Variants in DDHD1 observed in about 807,000 individuals in gnomAD.
The protein encoded by DDHD1 is phospholipase DDHD1.
DDHD1 carries 49 observed loss-of-function variants against 96.4 expected under a neutral mutation model. That is an observed-to-expected ratio of 0.51 (90% CI 0.40 to 0.64). The LOEUF (loss-of-function observed/expected upper bound fraction) is 0.64. DDHD1 is among the 30% of genes least tolerant of loss of function. The pLI is 0.00. For missense variants in DDHD1, 1,106 were observed against 1,161.2 expected (o/e 0.95, Z 0.69); for synonymous variants, 442 against 446.5 (o/e 0.99, Z 0.13).
intron 2 of DDHD1, among the ~76,000 whole-genome samples, chr14:53,101,162 G>C (rs1268261209): frequency 6.6e-6 from 1 of 152,118 alleles, no homozygotes; most frequent in East Asian, 1.9e-4. Flanking sequence ...CAGAAGCTTA[G>C]AGCTAACAGT....
intron 4 of DDHD1, among the ~76,000 whole-genome samples, chr14:53,086,446 CG>C (rs748677840): frequency 1.3e-4 from 20 of 152,148 alleles, no homozygotes; most frequent in East Asian, 5.8e-4. Context: ...AGACTAATGG[CG>C]GATCTCTCGG....
intron 4 of DDHD1, 68 bp downstream of exon 4, chr14:53,091,717 T>A: frequency 6.7e-7 from 1 of 1,488,244 alleles, no homozygotes; most frequent in Non-Finnish European, 9.2e-7. Context: ...ACTGTTAATA[T>A]CTCTTATACC....
At chr14:53,137,043 T>C (rs1338194905) in intron 1 of DDHD1, among the ~76,000 whole-genome samples, 1 of 151,354 alleles carries the variant, frequency 6.6e-6, no homozygotes, top group Non-Finnish European at 1.5e-5. Flanking sequence ...TTCAAGAAGG[T>C]GGAGGAAAAT....
intron 1 of DDHD1, among the ~76,000 whole-genome samples, chr14:53,127,738 A>G (rs747105156): frequency 3.3e-5 from 5 of 152,234 alleles, no homozygotes; most frequent in Non-Finnish European, 5.9e-5. Context: ...ACAGACACAC[A>G]ATGACTGGCA....
intron 1 of DDHD1, among the ~76,000 whole-genome samples, chr14:53,145,189 C>T (rs956589156): frequency 6.6e-6 from 1 of 151,776 alleles, no homozygotes; most frequent in South Asian, 2.1e-4. Flanking sequence ...TTCCATGGCA[C>T]GTGTTTTAAA....
chr14:53,125,289 A>T (rs922942998), intron 1 of DDHD1, among the ~76,000 whole-genome samples: 1 of 152,178 alleles, frequency 6.6e-6, no homozygotes, highest in Non-Finnish European at 1.5e-5. Context: ...CAACTCTTCC[A>T]AGTTTAATAT....
chr14:53,134,656 T>C (rs1416022862), intron 1 of DDHD1, among the ~76,000 whole-genome samples: 2 of 150,634 alleles, frequency 1.3e-5, no homozygotes, highest in Non-Finnish European at 2.9e-5. Context: ...TGTTTTTACC[T>C]AAATCAATCT....
intron 1 of DDHD1, among the ~76,000 whole-genome samples, chr14:53,120,534 C>T (rs1888905975): frequency 1.3e-5 from 2 of 152,126 alleles, no homozygotes; most frequent in Admixed American, 1.3e-4. Flanking sequence ...ACCACACTAC[C>T]TGACTTCAAA....
At position 53,152,535 on chromosome 14, in the gene DDHD1, G is replaced by A. The variant is rs943322491; in HGVS notation, c.564C>T (p.Leu188=). The part of the protein sequence containing the change: ...TWKPFIGYDS[L]RIELAFRTLL... Reference sequence around the variant, plus strand: ...GGGTCCGGAAGGCGAGCTCGATGCGGAGCGAGTCGTAGCCGATGAAGGGCT... The same window carrying A: ...GGGTCCGGAAGGCGAGCTCGATGCGAAGCGAGTCGTAGCCGATGAAGGGCT... Residue 188 remains leucine (L), a synonymous_variant, in exon 1 of 13, where the codon CTC becomes CTT. Coordinates refer to ENST00000673822, the MANE Select transcript of DDHD1 (RefSeq NM_001160148.2). The A allele has an allele frequency of 5.0e-6, 8 of 1,613,550 alleles. No homozygotes were observed. The highest frequency in any genetic ancestry group is 1.7e-5 in the Admixed American group (1 of 60,034).
At chr14:53,143,930 T>C (rs936910822) in intron 1 of DDHD1, among the ~76,000 whole-genome samples, 9 of 152,350 alleles carry the variant, frequency 5.9e-5, no homozygotes, top group Non-Finnish European at 1.3e-4. Context: ...CTTTACTTTT[T>C]ACAGGGCTCA....
chr14:53,046,540 G>A lies in DDHD1; in HGVS notation c.*228C>T, dbSNP rs1358985308. The A allele has an allele frequency of 1.3e-5, 4 of 315,712 alleles. No individual in the cohort carries two copies. The highest frequency in any genetic ancestry group is 4.9e-5 in the Admixed American group (1 of 20,358). The allele number at this position is 315,712 out of a possible 1,614,324, so 19.6% of individuals were successfully genotyped here. A position where few individuals can be genotyped will look rare whatever the true frequency, so the allele number is the denominator to read the frequency against. On this transcript the variant is annotated 3_prime_UTR_variant, in exon 13 of 13. Coordinates refer to ENST00000673822, the MANE Select transcript of DDHD1 (RefSeq NM_001160148.2). The stretch of plus-strand genomic sequence containing the variant: ...ACATCCAGGTCTTGCTTGATTCTCT[G>A]GAGAAGGTTTTGTCAGACTCATAAT...
chr14:53,105,891 T>C (rs1887652402), intron 1 of DDHD1, among the ~76,000 whole-genome samples: 1 of 152,158 alleles, frequency 6.6e-6, no homozygotes, highest in Admixed American at 6.5e-5. Context: ...TTTTTATTTT[T>C]TGTACTTTCT....
intron 12 of DDHD1, among the ~76,000 whole-genome samples, chr14:53,050,316 A>T (rs1436553964): frequency 6.6e-6 from 1 of 152,162 alleles, no homozygotes; most frequent in Non-Finnish European, 1.5e-5. Flanking sequence ...ATTAAAAGGG[A>T]GTAGTTCTGA....
chr14:53,153,171 C>G lies in DDHD1; in HGVS notation c.-73G>C. On this transcript the variant is annotated 5_prime_UTR_variant, in exon 1 of 13. Transcript: ENST00000673822. ...CCCAGCGCTTCCGCCACACATTCAA[C>G]GCCGCCGCCCTCTCCACCCGAAGTT... The G allele has an allele frequency of 8.2e-7, 1 of 1,223,328 alleles. No homozygotes were observed. The highest frequency in any genetic ancestry group is 1.1e-6 in the Non-Finnish European group (1 of 945,318). The allele number at this position is 1,223,328 out of a possible 1,614,324, so 75.8% of individuals were successfully genotyped here. A position where few individuals can be genotyped will look rare whatever the true frequency, so the allele number is the denominator to read the frequency against.
Position 53,063,131 on chromosome 14 carries a change from T to A in DDHD1, c.1578A>T (p.Glu526Asp). ...ATACTATTGAGACTTTACCCCCTTT[T>A]TCTTCAAAGTCTGGATTCCGAGAAC... ...LFCSRNPDFE[E>D]KGGKVSIVSH... Residue 526 changes from glutamate to aspartate, a missense_variant, in exon 7 of 13, where the codon GAA becomes GAT. Glu to Asp is a conservative substitution (Grantham distance 45, BLOSUM62 2). This residue lies in a region of DDHD1 where 650 missense variants were observed against 758.8 expected (regional missense o/e 0.86). Transcript: ENST00000673822. 6.2e-7 allele frequency: 1 copy of A among 1,614,054 alleles called. No homozygotes were observed. Among genetic ancestry groups the A allele is most frequent in the South Asian group, 1.1e-5 (1 of 91,078 alleles).
chr14:53,061,309 C>T (rs1883531024), intron 7 of DDHD1, 108 bp from the exon 8 acceptor site: 4 of 798,580 alleles, frequency 5.0e-6, no homozygotes, highest in Non-Finnish European at 7.5e-6. Context: ...GCCCACTATC[C>T]CTCACATTAA....
At chr14:53,102,132 A>C (rs1887346533) in intron 2 of DDHD1, among the ~76,000 whole-genome samples, 1 of 152,062 alleles carries the variant, frequency 6.6e-6, no homozygotes, top group South Asian at 2.1e-4. Flanking sequence ...TGGAACTCAG[A>C]CTTCTCCAAT....
chr14:53,126,963 G>A (rs1305599743), intron 1 of DDHD1, among the ~76,000 whole-genome samples: 7 of 151,968 alleles, frequency 4.6e-5, no homozygotes, highest in African/African-American at 4.8e-5. Context: ...AAGCTCTAAC[G>A]GGTTGAAATC....
rs184397418 is a variant in DDHD1 at position 53,094,096 on chromosome 14, G to A, written c.1013-652C>T. On this transcript the variant is annotated intron_variant, in intron 2 of 12. Transcript: ENST00000673822. ...GGAGGCTGAGGCAGGAGAATGGCGT[G>A]AACCTGGGAGGCGGAGCTTGCAGTG... Among the ~76,000 whole-genome samples, 85 of 152,012 alleles carry A rather than the reference G, an allele frequency of 5.6e-4. 1 individual carries two copies. The East Asian group carries it at 0.016, about 29-fold the overall frequency.
Sources: allele counts gnomAD v4.1 joint callset (sites outside exome capture counted in the v4.1 genomes callset), GRCh38; gene constraint gnomAD v4.1.1; regional missense constraint gnomAD v4.1.1; transcripts MANE v1.5; gene names NCBI Gene and HGNC (gene_info 2026-07-23, HGNC 2026-07-21).